The following OTUD3 variants were observed in gnomAD, a reference collection of about 807,000 sequenced individuals.
The protein encoded by OTUD3 is OTU deubiquitinase 3.
A neutral mutation model predicts 46.2 loss-of-function variants in OTUD3; 24 were observed. The observed-to-expected ratio is 0.52, with a 90% CI of 0.38 to 0.73. OTUD3 has a LOEUF of 0.73. OTUD3 is among the 30% of genes least tolerant of loss of function. The pLI is 0.00. For synonymous variants in OTUD3, 189 were observed against 195.4 expected (o/e 0.97, Z 0.27); for missense variants, 455 against 523.3 (o/e 0.87, Z 1.27).
intron 2 of OTUD3, among the ~76,000 whole-genome samples, chr1:19,890,897 T>G (rs1246698569): frequency 1.3e-5 from 2 of 152,186 alleles, no homozygotes; most frequent in East Asian, 1.9e-4. Flanking sequence ...ACATTTTGTT[T>G]GTTAATTCTT....
intron 2 of OTUD3, among the ~76,000 whole-genome samples, chr1:19,891,416 A>G (rs1447809877): frequency 6.6e-6 from 1 of 152,146 alleles, no homozygotes; most frequent in Non-Finnish European, 1.5e-5. Flanking sequence ...TGTTTTAGAG[A>G]GCTAAGTCTG....
chr1:19,906,956 A>G (rs939109863), intron 7 of OTUD3: 1 of 180,904 alleles, frequency 5.5e-6, no homozygotes, highest in Non-Finnish European at 1.2e-5. Flanking sequence ...ACCTTTGTGT[A>G]TAAATCTTTG....
chr1:19,906,496 G>A lies in OTUD3; in HGVS notation c.900G>A (p.Glu300=), dbSNP rs2045662736. The A allele has an allele frequency of 1.9e-6, 3 of 1,614,006 alleles. No homozygotes were observed. The change falls in exon 7 of 8, where the codon GAG becomes GAA. Residue 300 remains glutamate, a synonymous_variant. Coordinates refer to ENST00000375120, the MANE Select transcript of OTUD3 (RefSeq NM_015207.2). ...AGCAGTGTGGCCCTTTGTGGGAGGA[G>A]GGTGGCAGTGGTGCCAGAATCTTTG... The part of the protein sequence containing the change: ...VLKQCGPLWE[E]GGSGARIFGN...
At position 19,891,593 on chromosome 1, in the gene OTUD3, A is replaced by G. The variant is rs188072065; in HGVS notation, c.370+1060A>G. 2.3e-3 allele frequency among the ~76,000 whole-genome samples: 345 copies of G among 152,352 alleles called. 3 individuals are homozygous for G. The highest frequency in any genetic ancestry group is 7.7e-3 in the African/African-American group (321 of 41,574). On this transcript the variant is annotated intron_variant, in intron 2 of 7. Transcript: ENST00000375120. ...ACTTTGGCAGTATAATTGACAGGACACATTGGAGGTGAGGAGGGGAGAGGG... is the reference window on the plus strand; with the variant it reads ...ACTTTGGCAGTATAATTGACAGGACGCATTGGAGGTGAGGAGGGGAGAGGG...
intron 6 of OTUD3, among the ~76,000 whole-genome samples, chr1:19,905,786 A>G (rs2045651662): frequency 6.6e-6 from 1 of 152,212 alleles, no homozygotes; most frequent in Non-Finnish European, 1.5e-5. Context: ...TTCTCAAGTC[A>G]TTTATTTAAA....
At chr1:19,897,684 T>A (rs1261190171) in intron 4 of OTUD3, 22 bp downstream of exon 4, 2 of 1,609,658 alleles carry the variant, frequency 1.2e-6, no homozygotes, top group African/African-American at 2.7e-5. Context: ...CTCGGATTTC[T>A]CCCGTATTCC....
chr1:19,906,472 G>A lies in OTUD3; in HGVS notation c.876G>A (p.Lys292=). 1 of 1,614,078 alleles carries A rather than the reference G, an allele frequency of 6.2e-7. No individual in the cohort carries two copies. The highest frequency in any genetic ancestry group is 2.2e-5 in the East Asian group (1 of 44,886). ...TTGAGCCCAGTGGTCGAGTGCTGAA[G>A]CAGTGTGGCCCTTTGTGGGAGGAGG... ...ENLEPSGRVL[K]QCGPLWEEGG... is the part of the protein sequence containing the mutation. Residue 292 remains lysine, a synonymous_variant, in exon 7 of 8, where the codon AAG becomes AAA. Coordinates refer to ENST00000375120, the MANE Select transcript of OTUD3 (RefSeq NM_015207.2).
In OTUD3 at chr1:19,882,832, G is replaced by A. The variant is rs567361398; in HGVS notation, c.221+98G>A. ...TCGCGTCCATCCATCCATTCATTCGGGCGGCCCGGGCGCCTCCCGCGAGCC... is the reference window on the plus strand; with the variant it reads ...TCGCGTCCATCCATCCATTCATTCGAGCGGCCCGGGCGCCTCCCGCGAGCC... On this transcript the variant is annotated intron_variant, in intron 1 of 7. Coordinates refer to ENST00000375120, the MANE Select transcript of OTUD3 (RefSeq NM_015207.2). 2.7e-6 allele frequency: 3 copies of A among 1,103,972 alleles called. No individual in the cohort carries two copies. In the South Asian group the frequency reaches 1.0e-4, roughly 37 times the overall value. The allele number at this position is 1,103,972 out of a possible 1,614,324, so 68.4% of individuals were successfully genotyped here.
At chr1:19,898,466 C>T (rs1443647791) in intron 4 of OTUD3, among the ~76,000 whole-genome samples, 1 of 151,826 alleles carries the variant, frequency 6.6e-6, no homozygotes, top group African/African-American at 2.4e-5. Context: ...TGGTGGCTCA[C>T]ACCTGTAATC....
rs1315425653 is a variant in OTUD3 at position 19,910,135 on chromosome 1, G to A, written c.*2389G>A. 6.6e-6 allele frequency: 1 copy of A among 152,380 alleles called. No homozygotes were observed. The highest frequency in any genetic ancestry group is 1.5e-5 in the Non-Finnish European group (1 of 68,056). 9.4% of individuals were successfully genotyped at this position (152,380 alleles called of 1,614,324 possible). A position where few individuals can be genotyped will look rare whatever the true frequency, so the allele number is the denominator to read the frequency against. On this transcript the variant is annotated 3_prime_UTR_variant, in exon 8 of 8. Coordinates refer to ENST00000375120, the MANE Select transcript of OTUD3 (RefSeq NM_015207.2). ...GAAAATTCCTTCACTGGCAGCCCGA[G>A]TGGAGGCCCAGTATGTCTAGTCCTG...
At chr1:19,884,970 C>T (rs2045336446) in intron 1 of OTUD3, among the ~76,000 whole-genome samples, 1 of 152,158 alleles carries the variant, frequency 6.6e-6, no homozygotes, top group African/African-American at 2.4e-5. Flanking sequence ...TCGGTAAATA[C>T]TCATTGGATA....
At chr1:19,890,274 ACCTC>A in intron 1 of OTUD3, 107 bp from the exon 2 acceptor site, 1 of 1,062,816 alleles carries the variant, frequency 9.4e-7, no homozygotes, top group South Asian at 1.4e-5. Context: ...TTGAGTCTTT[ACCTC>A]TGTGTGCACA....
rs763015896 is a variant in OTUD3 at position 19,907,782 on chromosome 1, G to A, written c.*36G>A. 3 of 1,602,444 alleles carry A rather than the reference G, an allele frequency of 1.9e-6. No homozygotes were observed. The highest frequency in any genetic ancestry group is 8.5e-7 in the Non-Finnish European group (1 of 1,171,022). On this transcript the variant is annotated 3_prime_UTR_variant, in exon 8 of 8. Transcript: ENST00000375120. ...TCTTGGGAGTTGTAAGAAGCGGCTG[G>A]AAAAGGATTGCTGTGTGCTAGACTT...
At chr1:19,890,081 G>A (rs555142481) in intron 1 of OTUD3, among the ~76,000 whole-genome samples, 1 of 152,212 alleles carries the variant, frequency 6.6e-6, no homozygotes, top group Non-Finnish European at 1.5e-5. Context: ...AAGGTGGTTA[G>A]TGTATCACCG....
In OTUD3 at chr1:19,907,750, T is replaced by C. The variant is rs746980848; in HGVS notation, c.*4T>C. On this transcript the variant is annotated 3_prime_UTR_variant, in exon 8 of 8. Coordinates refer to ENST00000375120, the MANE Select transcript of OTUD3 (RefSeq NM_015207.2). ...CTTCGCCGCTCTCAACATCTGACTC[T>C]TTGGCCTCTTGGGAGTTGTAAGAAG... is the stretch of plus-strand genomic sequence containing the variant. 13 of 1,613,192 alleles carry C rather than the reference T, an allele frequency of 8.1e-6. No individual in the cohort carries two copies. The highest frequency in any genetic ancestry group is 9.3e-6 in the Non-Finnish European group (11 of 1,179,430).
rs1418642067 is a variant in OTUD3, at chr1:19,906,530, G to A, written c.934G>A (p.Gly312Ser). 1.9e-6 allele frequency: 3 copies of A among 1,613,814 alleles called. No individual in the cohort carries two copies. In the Admixed American group the frequency reaches 5.0e-5, roughly 27 times the overall value. ...GSGARIFGNQ[G>S]LNEGRTENNK... ...TGGTGCCAGAATCTTTGGAAATCAG[G>A]GCTTAAATGAAGGCAGGACCGAAAA... The change falls in exon 7 of 8, where the codon GGC (glycine) becomes AGC (serine). Residue 312 changes from glycine to serine, a missense_variant. Coordinates refer to ENST00000375120, the MANE Select transcript of OTUD3 (RefSeq NM_015207.2).
chr1:19,887,804 A>T (rs2045388988), intron 1 of OTUD3, among the ~76,000 whole-genome samples: 1 of 152,220 alleles, frequency 6.6e-6, no homozygotes, highest in Admixed American at 6.5e-5. Context: ...CTCTTAAAAT[A>T]CAGTAACTAG....
At chr1:19,900,598 A>G (rs764571106) in intron 4 of OTUD3, among the ~76,000 whole-genome samples, 3 of 152,196 alleles carry the variant, frequency 2.0e-5, no homozygotes, top group African/African-American at 4.8e-5. Context: ...GTGATTACCT[A>G]GTTGTACCCA....
At chr1:19,884,148 A>T (rs1387936744) in intron 1 of OTUD3, among the ~76,000 whole-genome samples, 1 of 152,202 alleles carries the variant, frequency 6.6e-6, no homozygotes, top group East Asian at 1.9e-4. Flanking sequence ...CAGAAATACC[A>T]ATTGAATACA....
Sources: allele counts gnomAD v4.1 joint callset (sites outside exome capture counted in the v4.1 genomes callset), GRCh38; gene constraint gnomAD v4.1.1; transcripts MANE v1.5; gene names NCBI Gene and HGNC (gene_info 2026-07-23, HGNC 2026-07-21).